Variants in UNC79 observed in about 807,000 individuals in gnomAD.
The protein encoded by UNC79 is unc-79 subunit of NALCN channel complex.
UNC79 carries 37 observed loss-of-function variants against 283.1 expected under a neutral mutation model. The observed-to-expected ratio is 0.13, with a 90% confidence interval of 0.10 to 0.17. UNC79 has a LOEUF of 0.17. Among genes scored for constraint, UNC79 ranks in the 10% least tolerant of loss-of-function variants. The pLI, the probability that UNC79 is intolerant of heterozygous loss-of-function variation, is 1.00. For synonymous variants in UNC79, 1,107 were observed against 1,200.2 expected, an observed-to-expected ratio of 0.92 and a Z score of 1.61; for missense variants, 2,272 against 3,211.1, an observed-to-expected ratio of 0.71 and a Z score of 7.07.
At chr14:93,457,077 G>T (rs902481471) in intron 1 of UNC79, among the ~76,000 whole-genome samples, 5 of 152,152 alleles carry the variant, frequency 3.3e-5, no homozygotes, top group Non-Finnish European at 5.9e-5. Context: ...TAGTGTTATA[G>T]CCAAGATTCA....
At chr14:93,345,051 T>C (rs2053794946) in intron 1 of UNC79, among the ~76,000 whole-genome samples, 1 of 152,082 alleles carries the variant, frequency 6.6e-6, no homozygotes, top group Non-Finnish European at 1.5e-5. Flanking sequence ...GGCGGGGCCT[T>C]TGGGAAGTAA....
At chr14:93,538,150 T>G (rs778736361) in exon 12 of UNC79, 2 of 1,614,000 alleles carry the variant, frequency 1.2e-6, no homozygotes, top group South Asian at 2.2e-5. Context: ...ATCAGACCTC[T>G]CCTCCGCCCA....
chr14:93,538,306 C>A (rs2061184168), intron 12 of UNC79, 88 bp downstream of exon 12: 1 of 1,333,884 alleles, frequency 7.5e-7, no homozygotes, highest in Non-Finnish European at 1.0e-6. Flanking sequence ...ATATTTAATG[C>A]AACCTCAAAT....
At chr14:93,334,796 T>A (rs2053540298) in intron 1 of UNC79, 1 of 152,196 alleles carries the variant, frequency 6.6e-6, no homozygotes, top group Admixed American at 6.5e-5. Context: ...TATGCTTGGA[T>A]TGGGGTATAT....
intron 38 of UNC79, among the ~76,000 whole-genome samples, chr14:93,657,351 A>T (rs1026860530): frequency 2.9e-5 from 4 of 136,892 alleles, no homozygotes; most frequent in East Asian, 4.2e-4. Flanking sequence ...GGTATGGCAA[A>T]TTTTTTTTTT....
chr14:93,594,498 G>A (rs1375489923), intron 23 of UNC79, among the ~76,000 whole-genome samples: 1 of 152,130 alleles, frequency 6.6e-6, no homozygotes, highest in Non-Finnish European at 1.5e-5. Flanking sequence ...TTGAACTCCT[G>A]ACCTCAGGTG....
At chr14:93,645,392 A>AG (rs2069489017) in intron 34 of UNC79, among the ~76,000 whole-genome samples, 1 of 152,200 alleles carries the variant, frequency 6.6e-6, no homozygotes. Context: ...AGCAAGAGAC[A>AG]GGGAGTACAT....
chr14:93,704,590 C>T lies in UNC79; in HGVS notation c.7549-35C>T, dbSNP rs956538314. 3.1e-6 allele frequency: 5 copies of T among 1,610,850 alleles called. No homozygotes were observed. The African/African-American group carries it at 6.7e-5, about 21-fold the overall frequency. ...CGAAGCTTTGTGGGAGAATAGAGGACACTAATAATGAAGCTTTTGTCTTTC... is the reference window on the plus strand; with the variant it reads ...CGAAGCTTTGTGGGAGAATAGAGGATACTAATAATGAAGCTTTTGTCTTTC... On this transcript the variant is annotated intron_variant, in intron 47 of 48. Transcript: ENST00000555664.
intron 14 of UNC79, among the ~76,000 whole-genome samples, chr14:93,548,307 C>T (rs546387983): frequency 9.6e-4 from 146 of 152,144 alleles, no homozygotes; most frequent in Non-Finnish European, 1.4e-3. Flanking sequence ...GGCGTTCATT[C>T]ATAAAGGCTC....
chr14:93,476,540 T>C (rs1292493569), intron 3 of UNC79, among the ~76,000 whole-genome samples: 4 of 152,204 alleles, frequency 2.6e-5, no homozygotes, highest in African/African-American at 7.2e-5. Flanking sequence ...TGTTGTTAGC[T>C]GATGTGCCTG....
At chr14:93,631,960 A>G (rs868659948) in intron 31 of UNC79, among the ~76,000 whole-genome samples, 7 of 152,250 alleles carry the variant, frequency 4.6e-5, no homozygotes, top group Non-Finnish European at 1.0e-4. Flanking sequence ...CACTGTGCCA[A>G]GTGGCTCACA....
chr14:93,441,175 T>C (rs1264030320), intron 1 of UNC79, among the ~76,000 whole-genome samples: 5 of 152,132 alleles, frequency 3.3e-5, no homozygotes, highest in Admixed American at 2.0e-4. Flanking sequence ...TTAAACATTA[T>C]AAAGGGCACT....
chr14:93,535,279 G>A (rs2061013859), intron 11 of UNC79, among the ~76,000 whole-genome samples: 1 of 152,204 alleles, frequency 6.6e-6, no homozygotes, highest in Non-Finnish European at 1.5e-5. Flanking sequence ...TCAAAACTTA[G>A]TAGGAATCCT....
chr14:93,377,096 C>CTT (rs3059767), intron 1 of UNC79, among the ~76,000 whole-genome samples: 1,229 of 108,022 alleles, frequency 0.011, 23 homozygotes, highest in African/African-American at 0.042. Context: ...ATAGTTGTTT[C>CTT]TTTTTTTTTT....
At chr14:93,420,279 C>T (rs907334301) in intron 1 of UNC79, among the ~76,000 whole-genome samples, 13 of 151,288 alleles carry the variant, frequency 8.6e-5, no homozygotes, top group South Asian at 2.1e-4. Flanking sequence ...AAACAATACT[C>T]CATGCCAATG....
At chr14:93,681,051 G>A (rs2073807172) in intron 41 of UNC79, among the ~76,000 whole-genome samples, 2 of 152,184 alleles carry the variant, frequency 1.3e-5, no homozygotes, top group Admixed American at 1.3e-4. Flanking sequence ...TAGCAAACCT[G>A]GATAAGATCA....
chr14:93,475,758 A>C (rs531159092), intron 3 of UNC79, among the ~76,000 whole-genome samples: 1 of 152,298 alleles, frequency 6.6e-6, no homozygotes, highest in East Asian at 1.9e-4. Context: ...CGTTATCTTC[A>C]AAGCCCCTTG....
intron 41 of UNC79, among the ~76,000 whole-genome samples, chr14:93,679,210 C>G (rs2073618879): frequency 6.6e-6 from 1 of 152,152 alleles, no homozygotes; most frequent in African/African-American, 2.4e-5. Flanking sequence ...CCTGTAATCC[C>G]AACACTTTGG....
chr14:93,436,725 T>G (rs1376105841), intron 1 of UNC79, among the ~76,000 whole-genome samples: 1 of 152,198 alleles, frequency 6.6e-6, no homozygotes, highest in Non-Finnish European at 1.5e-5. Context: ...AAATGAAATA[T>G]TTCCTGTATC....
Sources: gnomAD v4.1 joint callset for allele counts (sites outside exome capture counted in the v4.1 genomes callset) on GRCh38, gnomAD v4.1.1 for gene constraint, MANE v1.5 for transcripts, NCBI Gene and HGNC (gene_info 2026-07-23, HGNC 2026-07-21) for gene names.